KIAA1549L: variants seen among roughly 807,000 people sequenced by gnomAD.
KIAA1549L encodes the protein KIAA1549 like.
Under a neutral mutation model 160.7 loss-of-function variants are expected in KIAA1549L, and 88 were observed. That is an observed-to-expected ratio of 0.55 (90% CI 0.46 to 0.65). The LOEUF is 0.65. Ranked by LOEUF, KIAA1549L falls within the 30% of genes least tolerant of loss-of-function variation. The pLI, the probability that KIAA1549L is intolerant of heterozygous loss-of-function variation, is 0.00. For missense variants in KIAA1549L, 2,258 were observed against 2,437.5 expected, an observed-to-expected ratio of 0.93 and a Z score of 1.55; for synonymous variants, 950 against 976.7, an observed-to-expected ratio of 0.97 and a Z score of 0.51.
chr11:33,574,798 G>A lies in KIAA1549L; in HGVS notation c.4327G>A (p.Ala1443Thr). ...GAAGCCTTTGTTGGGGACCGCAGCT[G>A]CCAAGATCCTGAGCACCATTGATTC... Reference protein sequence around the residue: ...NGKPLLGTAAAKILSTIDSQR... With the variant: ...NGKPLLGTAATKILSTIDSQR... The change falls in exon 10 of 21, where the codon GCC (alanine) becomes ACC (threonine). Residue 1443 changes from alanine (A) to threonine (T), a missense_variant. Ala to Thr is a moderately conservative substitution (Grantham distance 58). Around this residue, in one of 6 missense-constraint regions of KIAA1549L, gnomAD observed 1,359 missense variants for 1,546.6 expected, o/e 0.88. Transcript: ENST00000658780. 6.2e-7 allele frequency: 1 copy of A among 1,614,006 alleles called. No homozygotes were observed. Among genetic ancestry groups the A allele is most frequent in the Non-Finnish European group, 8.5e-7 (1 of 1,179,862 alleles).
At chr11:33,610,826 T>C (rs1198018245) in intron 15 of KIAA1549L, among the ~76,000 whole-genome samples, 1 of 152,232 alleles carries the variant, frequency 6.6e-6, no homozygotes, top group Non-Finnish European at 1.5e-5. Context: ...TTTCTCACAG[T>C]TCTGGAGGCT....
At chr11:33,378,069 T>C (rs1849993315) in intron 1 of KIAA1549L, among the ~76,000 whole-genome samples, 1 of 152,178 alleles carries the variant, frequency 6.6e-6, no homozygotes. Context: ...TAGCCCCCGA[T>C]TTTTATGCCT....
chr11:33,469,678 C>T (rs1302522149), intron 1 of KIAA1549L, among the ~76,000 whole-genome samples: 1 of 152,222 alleles, frequency 6.6e-6, no homozygotes, highest in Non-Finnish European at 1.5e-5. Flanking sequence ...TCCTTGTCAA[C>T]ACTTGTTATT....
intron 17 of KIAA1549L, among the ~76,000 whole-genome samples, chr11:33,649,052 T>G (rs1275360142): frequency 2.0e-5 from 3 of 152,140 alleles, no homozygotes; most frequent in Admixed American, 2.0e-4. Context: ...GTAAAGAAAC[T>G]TGCCCAAGTT....
intron 1 of KIAA1549L, among the ~76,000 whole-genome samples, chr11:33,464,395 C>T (rs948417756): frequency 3.3e-5 from 5 of 152,096 alleles, no homozygotes; most frequent in Non-Finnish European, 7.3e-5. Flanking sequence ...TTGAGTCTCT[C>T]GCTTATATCC....
At chr11:33,441,091 C>CCCCA (rs1851493847) in intron 1 of KIAA1549L, among the ~76,000 whole-genome samples, 1 of 142,570 alleles carries the variant, frequency 7.0e-6, no homozygotes, top group Non-Finnish European at 1.5e-5. Flanking sequence ...TCACAACAGT[C>CCCCA]CCCAGTGTGT....
chr11:33,606,868 G>C, intron 14 of KIAA1549L, 46 bp downstream of exon 14: 1 of 1,499,786 alleles, frequency 6.7e-7, no homozygotes, highest in African/African-American at 1.4e-5. Context: ...GGCCAGACTT[G>C]GGAAATTCGG....
At chr11:33,471,949 G>T (rs1663980504) in intron 1 of KIAA1549L, among the ~76,000 whole-genome samples, 1 of 152,174 alleles carries the variant, frequency 6.6e-6, no homozygotes, top group Non-Finnish European at 1.5e-5. Flanking sequence ...TTTATTCTCT[G>T]AGTAAAAAGG....
At chr11:33,612,220 T>C (rs1327572607) in intron 15 of KIAA1549L, among the ~76,000 whole-genome samples, 3 of 151,960 alleles carry the variant, frequency 2.0e-5, no homozygotes, top group Non-Finnish European at 4.4e-5. Flanking sequence ...AGCTCAGAGG[T>C]ATTATTCTTG....
chr11:33,454,905 C>T (rs915097137), intron 1 of KIAA1549L, among the ~76,000 whole-genome samples: 5 of 151,908 alleles, frequency 3.3e-5, no homozygotes, highest in East Asian at 1.9e-4. Flanking sequence ...CTGGATAACA[C>T]GGTGAAACCC....
intron 1 of KIAA1549L, among the ~76,000 whole-genome samples, chr11:33,443,148 T>G (rs141665757): frequency 1.5e-4 from 23 of 152,276 alleles, no homozygotes; most frequent in African/African-American, 5.3e-4. Flanking sequence ...CTGATGACTT[T>G]CATTTAGAGT....
chr11:33,606,549 A>C, intron 13 of KIAA1549L, 92 bp from the exon 14 acceptor site: 1 of 1,277,186 alleles, frequency 7.8e-7, no homozygotes, highest in South Asian at 1.5e-5. Context: ...TGAGTAAAGT[A>C]ATGTCCTTAG....
intron 1 of KIAA1549L, among the ~76,000 whole-genome samples, chr11:33,499,100 A>G (rs1026323697): frequency 6.6e-6 from 1 of 152,008 alleles, no homozygotes; most frequent in Non-Finnish European, 1.5e-5. Context: ...ATCCCACTTG[A>G]CATTCTGCTG....
At chr11:33,447,812 T>C (rs528971902) in intron 1 of KIAA1549L, among the ~76,000 whole-genome samples, 19 of 152,310 alleles carry the variant, frequency 1.2e-4, no homozygotes, top group Admixed American at 3.9e-4. Context: ...GACTAATGCT[T>C]GGCACATGTT....
intron 1 of KIAA1549L, among the ~76,000 whole-genome samples, chr11:33,497,422 T>C (rs562034672): frequency 6.6e-6 from 1 of 152,276 alleles, no homozygotes; most frequent in African/African-American, 2.4e-5. Context: ...CAGCCCATAA[T>C]AAAACTCGTT....
intron 1 of KIAA1549L, among the ~76,000 whole-genome samples, chr11:33,409,955 G>T (rs971262664): frequency 7.9e-5 from 12 of 151,954 alleles, no homozygotes; most frequent in African/African-American, 2.9e-4. Context: ...GGGCTAGTGG[G>T]GGCCACAAAG....
intron 1 of KIAA1549L, among the ~76,000 whole-genome samples, chr11:33,458,739 C>T (rs374421916): frequency 6.6e-6 from 1 of 152,154 alleles, no homozygotes; most frequent in Admixed American, 6.5e-5. Context: ...TGGCCCCTAC[C>T]CAGGTGTGTT....
chr11:33,422,461 G>T (rs144223452), intron 1 of KIAA1549L, among the ~76,000 whole-genome samples: 4 of 151,558 alleles, frequency 2.6e-5, no homozygotes, highest in African/African-American at 4.8e-5. Flanking sequence ...TTCCTCAGAA[G>T]CTACTTCCTC....
rs1852588043 is a variant in KIAA1549L at position 33,669,138 on chromosome 11, G to A, written c.*984G>A. The A allele has an allele frequency of 6.6e-6, 1 of 152,212 alleles. No homozygotes were observed. The highest frequency in any genetic ancestry group is 2.4e-5 in the African/African-American group (1 of 41,448). 9.4% of individuals were successfully genotyped at this position (152,212 alleles called of 1,614,324 possible). Reference sequence around the variant, plus strand: ...TTGATTCCTGTTAGAAACAGGAGTGGTAGAACCACAGTCTTCCCAGGCCGC... The same window carrying A: ...TTGATTCCTGTTAGAAACAGGAGTGATAGAACCACAGTCTTCCCAGGCCGC... On this transcript the variant is annotated 3_prime_UTR_variant, in exon 21 of 21. Coordinates refer to ENST00000658780, the MANE Select transcript of KIAA1549L (RefSeq NM_012194.3).
Sources: gnomAD v4.1 joint callset for allele counts (sites outside exome capture counted in the v4.1 genomes callset) on GRCh38, gnomAD v4.1.1 for gene constraint, gnomAD v4.1.1 regional missense constraint, MANE v1.5 for transcripts, NCBI Gene and HGNC (gene_info 2026-07-23, HGNC 2026-07-21) for gene names.